KIAA2012: variants seen among roughly 807,000 people sequenced by gnomAD.
KIAA2012 encodes KIAA2012.
A neutral mutation model predicts 150.6 loss-of-function variants in KIAA2012; 125 were observed. That is an observed-to-expected ratio of 0.83 (90% CI 0.72 to 0.96). The LOEUF (loss-of-function observed/expected upper bound fraction) is 0.96, where lower values mean the gene tolerates loss of function less well. KIAA2012 is among the 40% of genes least tolerant of loss of function. The pLI, the probability that KIAA2012 is intolerant of heterozygous loss-of-function variation, is 0.00. For missense variants in KIAA2012, 1,219 were observed against 1,354.9 expected, an observed-to-expected ratio of 0.90 and a Z score of 1.57; for synonymous variants, 462 against 504.7, an observed-to-expected ratio of 0.92 and a Z score of 1.13.
Position 202,190,152 on chromosome 2 carries a change from A to G in KIAA2012, c.2492-22A>G, listed in dbSNP as rs1194075405. On this transcript the variant is annotated intron_variant, in intron 18 of 23. Coordinates refer to ENST00000498697, the MANE Select transcript of KIAA2012 (RefSeq NM_001277372.4). The stretch of plus-strand genomic sequence containing the variant: ...ATTAAGTTAACTCAGCTATATCTCT[A>G]TCCCCAATTGTTCTCCCCCAGGAAA... 4.7e-6 allele frequency: 7 copies of G among 1,495,168 alleles called. No homozygotes were observed. In the African/African-American group the frequency reaches 1.0e-4, roughly 21 times the overall value. The allele number at this position is 1,495,168 out of a possible 1,614,324, so 92.6% of individuals were successfully genotyped here.
intron 22 of KIAA2012, among the ~76,000 whole-genome samples, chr2:202,201,174 C>A (rs1325753284): frequency 1.3e-5 from 2 of 152,172 alleles, no homozygotes; most frequent in Admixed American, 6.5e-5. Flanking sequence ...ACCTCCCTTA[C>A]CTCAAAATGC....
chr2:202,190,168 C>T lies in KIAA2012; in HGVS notation c.2492-6C>T. The T allele has an allele frequency of 6.6e-7, 1 of 1,512,238 alleles. No individual in the cohort carries two copies. The highest frequency in any genetic ancestry group is 1.4e-5 in the African/African-American group (1 of 70,532). 93.7% of individuals were successfully genotyped at this position (1,512,238 alleles called of 1,614,324 possible). A position where few individuals can be genotyped will look rare whatever the true frequency, so the allele number is the denominator to read the frequency against. On this transcript the variant is annotated splice_region_variant and splice_polypyrimidine_tract_variant and intron_variant, in intron 18 of 23. Transcript: ENST00000498697. ...TATATCTCTATCCCCAATTGTTCTC[C>T]CCCAGGAAAGTCAAAGGACTCAAAG...
rs561748305 is a variant in KIAA2012, at chr2:202,112,237, G to A, written c.1652-1099G>A. On this transcript the variant is annotated intron_variant, in intron 10 of 23. Transcript: ENST00000498697. ...CCACAACCTCCAGGAAAGGGGAGGG[G>A]ACACTGGAGATCAAGCTCTTTATTA... is the stretch of plus-strand genomic sequence containing the variant. 6.6e-4 allele frequency among the ~76,000 whole-genome samples: 100 copies of A among 152,172 alleles called. 1 individual carries two copies. The highest frequency in any genetic ancestry group is 5.0e-3 in the Admixed American group (77 of 15,270).
chr2:202,114,693 C>CAT (rs1403478238), intron 11 of KIAA2012: 1 of 165,376 alleles, frequency 6.0e-6, no homozygotes, highest in African/African-American at 2.4e-5. Context: ...TAGTCCCTGA[C>CAT]ATATACATAG....
At chr2:202,161,907 A>G (rs989226153) in intron 14 of KIAA2012, among the ~76,000 whole-genome samples, 5 of 152,104 alleles carry the variant, frequency 3.3e-5, no homozygotes, top group Non-Finnish European at 7.4e-5. Context: ...TTGAATTTAC[A>G]GTCCCTCCAT....
chr2:202,187,068 T>C lies in KIAA2012; in HGVS notation c.2346T>C (p.Phe782=). The C allele has an allele frequency of 1.3e-6, 2 of 1,550,596 alleles. No individual in the cohort carries two copies. Among genetic ancestry groups the C allele is most frequent in the Non-Finnish European group, 8.7e-7 (1 of 1,146,986 alleles). Reference sequence around the variant, plus strand: ...AAGGGAAGGCTGAACCAAGACTGTTTAGCCAGGAGACATCAGCCAACATCA... The same window carrying C: ...AAGGGAAGGCTGAACCAAGACTGTTCAGCCAGGAGACATCAGCCAACATCA... ...EREGKAEPRL[F]SQETSANISH... The change falls in exon 17 of 24, where the codon TTT becomes TTC. Residue 782 remains phenylalanine, a synonymous_variant. Transcript: ENST00000498697.
At chr2:202,150,176 A>G (rs1370706664) in intron 13 of KIAA2012, among the ~76,000 whole-genome samples, 1 of 152,242 alleles carries the variant, frequency 6.6e-6, no homozygotes, top group Admixed American at 6.5e-5. Context: ...TTTAAATGTC[A>G]GATAACTTTT....
rs111792330 is a variant in KIAA2012, at chr2:202,150,479, C to G, written c.1909-4194C>G. ...TGTGTTTTTTTTTGAGACAGAGTCT[C>G]GCTCTGTCGCCGAGGCTGGAGTGCA... On this transcript the variant is annotated intron_variant, in intron 13 of 23. Coordinates refer to ENST00000498697, the MANE Select transcript of KIAA2012 (RefSeq NM_001277372.4). Among the ~76,000 whole-genome samples the G allele has an allele frequency of 3.2e-3, 486 of 150,570 alleles. 2 individuals carry two copies. Among genetic ancestry groups the G allele is most frequent in the Non-Finnish European group, 5.6e-3 (380 of 67,730 alleles).
chr2:202,147,520 A>G (rs1691326072), intron 13 of KIAA2012, among the ~76,000 whole-genome samples: 2 of 152,200 alleles, frequency 1.3e-5, no homozygotes, highest in South Asian at 4.1e-4. Flanking sequence ...GGAAAGTAAA[A>G]GAAAGGACAT....
At chr2:202,201,728 G>C in intron 22 of KIAA2012, 1 of 1,485,164 alleles carries the variant, frequency 6.7e-7, no homozygotes, top group Non-Finnish European at 9.4e-7. Context: ...GGCAGCCCCT[G>C]GGGTGCACAA....
At chr2:202,202,920 C>T (rs1476585233) in intron 23 of KIAA2012, among the ~76,000 whole-genome samples, 3 of 149,350 alleles carry the variant, frequency 2.0e-5, no homozygotes, top group Non-Finnish European at 4.5e-5. Context: ...GAGTGGGACC[C>T]TGTCTCTTAA....
chr2:202,121,339 A>G (rs1690648359), intron 11 of KIAA2012, among the ~76,000 whole-genome samples: 1 of 152,346 alleles, frequency 6.6e-6, no homozygotes, highest in Admixed American at 6.5e-5. Flanking sequence ...TGCAACTATA[A>G]TATCTGCCAA....
intron 20 of KIAA2012, 51 bp from the exon 21 acceptor site, chr2:202,194,138 AG>A (rs1267058227): frequency 6.5e-7 from 1 of 1,542,240 alleles, no homozygotes; most frequent in Non-Finnish European, 8.8e-7. Flanking sequence ...TCATCTCACA[AG>A]GATGCCTCAG....
In KIAA2012 at chr2:202,161,676, C is replaced by CA. The variant is rs1331512826; in HGVS notation, c.2047-3607dup. Among the ~76,000 whole-genome samples, 6 of 152,170 alleles carry CA rather than the reference C, an allele frequency of 3.9e-5. No individual in the cohort carries two copies. The East Asian group carries it at 9.7e-4, about 25-fold the overall frequency. ...TAGCTTCACCTCCCATGAGGCCCTG[C>CA]AGAAACCTGTCATAATCTGCCACAA... On this transcript the variant is annotated intron_variant, in intron 14 of 23. Transcript: ENST00000498697.
chr2:202,139,491 T>C (rs1384097570), intron 13 of KIAA2012, among the ~76,000 whole-genome samples: 1 of 152,136 alleles, frequency 6.6e-6, no homozygotes, highest in African/African-American at 2.4e-5. Flanking sequence ...TCTTGACTTC[T>C]CCATTCTGTC....
intron 12 of KIAA2012, among the ~76,000 whole-genome samples, chr2:202,134,714 C>G (rs1239148357): frequency 6.6e-6 from 1 of 152,158 alleles, no homozygotes; most frequent in Non-Finnish European, 1.5e-5. Flanking sequence ...GCTACCACAT[C>G]TGGCTAATTT....
chr2:202,076,862 T>TCTGCA, intron 2 of KIAA2012: 2 of 425,170 alleles, frequency 4.7e-6, no homozygotes, highest in Non-Finnish European at 9.4e-6. Flanking sequence ...CCTGCTCTGC[T>TCTGCA]CTGCATCACA....
chr2:202,128,677 A>AT (rs1690853790), intron 12 of KIAA2012, among the ~76,000 whole-genome samples: 2 of 150,228 alleles, frequency 1.3e-5, no homozygotes, highest in Non-Finnish European at 3.0e-5. Flanking sequence ...GCATTTGATG[A>AT]TTGAAAAGGT....
chr2:202,159,199 A>G (rs1691600757), intron 14 of KIAA2012, among the ~76,000 whole-genome samples: 1 of 152,190 alleles, frequency 6.6e-6, no homozygotes, highest in Admixed American at 6.5e-5. Flanking sequence ...GACATCATCC[A>G]AAGATGGAGC....
Sources: allele counts gnomAD v4.1 joint callset (sites outside exome capture counted in the v4.1 genomes callset), GRCh38; gene constraint gnomAD v4.1.1; transcripts MANE v1.5; gene names NCBI Gene and HGNC (gene_info 2026-07-23, HGNC 2026-07-21).